The following XBP1 variants were observed in gnomAD, a reference collection of about 807,000 sequenced individuals.
XBP1 encodes the protein X-box-binding protein 1.
A neutral mutation model predicts 34.6 loss-of-function variants in XBP1; 18 were observed. That is an observed-to-expected ratio of 0.52 (90% CI 0.36 to 0.77). The LOEUF is 0.77. Ranked by LOEUF, XBP1 falls within the 30% of genes least tolerant of loss-of-function variation. The pLI is 0.00. For synonymous variants in XBP1, 191 were observed against 193.4 expected, an observed-to-expected ratio of 0.99 and a Z score of 0.11; for missense variants, 422 against 464.6, an observed-to-expected ratio of 0.91 and a Z score of 0.84.
chr22:28,796,200 GA>G lies in XBP1; in HGVS notation c.454-9del, dbSNP rs766248016. 1 of 1,534,550 alleles carries G rather than the reference GA, an allele frequency of 6.5e-7. No homozygotes were observed. Among genetic ancestry groups the G allele is most frequent in the Non-Finnish European group, 8.7e-7 (1 of 1,145,146 alleles). ...TGGCCTCACTTCATTCCCCTGGGAG[GA>G]AAGACCAAAGTGAATAAACAGCTTC... On this transcript the variant is annotated splice_polypyrimidine_tract_variant and intron_variant, in intron 3 of 5. Transcript: ENST00000344347.
intron 3 of XBP1, 76 bp from the exon 4 acceptor site, chr22:28,796,268 A>G (rs997570734): frequency 1.1e-5 from 15 of 1,380,422 alleles, no homozygotes; most frequent in Middle Eastern, 2.6e-4. Context: ...GTGATTCTCA[A>G]CTTTAAAGAA....
At chr22:28,799,185 C>A (rs2031814722) in intron 1 of XBP1, 32 bp from the exon 2 acceptor site, 1 of 1,529,210 alleles carries the variant, frequency 6.5e-7, no homozygotes, top group South Asian at 1.1e-5. Flanking sequence ...CACACTGAGT[C>A]ATATCAAACC....
At chr22:28,800,075 T>C (rs771152636) in intron 1 of XBP1, 6 of 764,486 alleles carry the variant, frequency 7.8e-6, no homozygotes, top group Non-Finnish European at 1.4e-5. Context: ...AGTTAAAAAG[T>C]ACAGAAAAGA....
chr22:28,797,296 T>A, intron 2 of XBP1, 91 bp from the exon 3 acceptor site: 2 of 1,444,066 alleles, frequency 1.4e-6, no homozygotes, highest in Non-Finnish European at 9.4e-7. Context: ...CCTTTCCTTC[T>A]TGAACTTTTG....
In XBP1 at chr22:28,795,498, A is replaced by C. The variant is rs764674994; in HGVS notation, c.808T>G (p.Ser270Ala). ...ACATTAGCTTGGCTCTCTGTCTCAG[A>C]GGGTATCTCTAAGACTAGGGGCTTG... Residue 270 changes from serine (S) to alanine (A), a missense_variant, in exon 6 of 6, where the codon TCT becomes GCT. Transcript: ENST00000344347. 4.3e-6 allele frequency: 7 copies of C among 1,614,070 alleles called. No individual in the cohort carries two copies. The South Asian group carries it at 7.7e-5, about 18-fold the overall frequency.
At chr22:28,800,420 G>A (rs1158924796) in exon 1 of XBP1, 2 of 1,494,054 alleles carry the variant, frequency 1.3e-6, no homozygotes, top group Non-Finnish European at 1.8e-6. Flanking sequence ...TGAGCGGCAG[G>A]GCCTGGCCGG....
chr22:28,797,257 G>T, intron 2 of XBP1, 52 bp from the exon 3 acceptor site: 1 of 1,572,954 alleles, frequency 6.4e-7, no homozygotes, highest in Non-Finnish European at 8.7e-7. Flanking sequence ...TTTCAGTTAA[G>T]AATCTACCTG....
intron 2 of XBP1, among the ~76,000 whole-genome samples, chr22:28,797,567 G>A (rs1431866716): frequency 6.6e-6 from 1 of 152,046 alleles, no homozygotes; most frequent in African/African-American, 2.4e-5. Flanking sequence ...GATCACCTGA[G>A]GTCAAGAGTT....
chr22:28,796,233 C>T (rs780238687), intron 3 of XBP1, 41 bp from the exon 4 acceptor site: 2 of 1,486,862 alleles, frequency 1.3e-6, no homozygotes, highest in Non-Finnish European at 8.9e-7. Context: ...CTTCAAGTGC[C>T]CAAGGAAATG....
At chr22:28,799,926 A>G (rs2031835977) in intron 1 of XBP1, 4 of 775,478 alleles carry the variant, frequency 5.2e-6, no homozygotes, top group Non-Finnish European at 9.6e-6. Context: ...GCGCCTCTCC[A>G]GAAATAGCAG....
chr22:28,795,045 C>G, downstream of XBP1: 1 of 867,648 alleles, frequency 1.2e-6, no homozygotes, highest in Non-Finnish European at 1.7e-6. Flanking sequence ...GAGATCTGAA[C>G]AAATAGAGGA....
chr22:28,797,046 C>T (rs768862869), intron 3 of XBP1, 31 bp downstream of exon 3: 39 of 1,593,186 alleles, frequency 2.4e-5, no homozygotes, highest in Non-Finnish European at 3.0e-5. Flanking sequence ...CCAGTACTCA[C>T]ATGAGGCACC....
In XBP1 at chr22:28,799,041, C is replaced by T. The variant is rs1282087717; in HGVS notation, c.324+16G>A. 6.9e-6 allele frequency: 11 copies of T among 1,604,534 alleles called. No individual in the cohort carries two copies. The highest frequency in any genetic ancestry group is 1.7e-5 in the Admixed American group (1 of 59,830). On this transcript the variant is annotated intron_variant, in intron 2 of 5. Coordinates refer to ENST00000344347, the Ensembl canonical transcript of XBP1. The stretch of plus-strand genomic sequence containing the variant: ...GTATACAATGGATAAAAGAGTTTGA[C>T]CTTAAGTAGTTTTACCTCTTCTTCT...
intron 2 of XBP1, 54 bp from the exon 3 acceptor site, chr22:28,797,259 A>G (rs2031768458): frequency 1.3e-6 from 2 of 1,571,666 alleles, no homozygotes; most frequent in East Asian, 4.5e-5. Context: ...TCAGTTAAGA[A>G]TCTACCTGAT....
chr22:28,797,556 G>A (rs920290620), intron 2 of XBP1, among the ~76,000 whole-genome samples: 2 of 149,840 alleles, frequency 1.3e-5, no homozygotes, highest in East Asian at 3.8e-4. Flanking sequence ...CAAGGCAGGT[G>A]GATCACCTGA....
chr22:28,798,097 T>C (rs1389658221), intron 2 of XBP1, among the ~76,000 whole-genome samples: 2 of 152,168 alleles, frequency 1.3e-5, no homozygotes, highest in African/African-American at 4.8e-5. Flanking sequence ...GAACCTTTAG[T>C]GAATTTCTGG....
downstream of XBP1, chr22:28,795,041 T>G: frequency 1.2e-6 from 1 of 823,472 alleles, no homozygotes; most frequent in South Asian, 2.8e-5. Flanking sequence ...CTATGAGATC[T>G]GAACAAATAG....
At chr22:28,798,499 G>A (rs980150607) in intron 2 of XBP1, among the ~76,000 whole-genome samples, 1 of 151,684 alleles carries the variant, frequency 6.6e-6, no homozygotes, top group African/African-American at 2.4e-5. Flanking sequence ...AATAGAGATG[G>A]GGTTTCACCA....
chr22:28,796,416 T>C (rs1287272062), intron 3 of XBP1: 3 of 405,830 alleles, frequency 7.4e-6, no homozygotes, highest in African/African-American at 4.2e-5. Context: ...AAATGTTTCA[T>C]TGTGCAGGAA....
Sources: allele counts gnomAD v4.1 joint callset (sites outside exome capture counted in the v4.1 genomes callset), GRCh38; gene constraint gnomAD v4.1.1; transcripts MANE v1.5; gene names NCBI Gene and HGNC (gene_info 2026-07-23, HGNC 2026-07-21).